Variants in CFAP61 observed in about 807,000 individuals in gnomAD.
CFAP61 encodes the protein cilia- and flagella-associated protein 61.
Under a neutral mutation model 135.6 loss-of-function variants are expected in CFAP61, and 107 were observed. The observed-to-expected ratio is 0.79, with a 90% CI of 0.67 to 0.93. The LOEUF is 0.93. Ranked by LOEUF, CFAP61 falls within the 40% of genes least tolerant of loss-of-function variation. The pLI is 0.00. For missense variants in CFAP61, 1,507 were observed against 1,556.2 expected (o/e 0.97, Z 0.53); for synonymous variants, 575 against 578.5 (o/e 0.99, Z 0.09).
chr20:20,172,125 A>C (rs943007603), intron 13 of CFAP61: 51 of 817,698 alleles, frequency 6.2e-5, no homozygotes, highest in Admixed American at 1.1e-4. Flanking sequence ...ATTAAAAAGA[A>C]GAGGAAAAAG....
In CFAP61 at chr20:20,230,765, G is replaced by A. The variant is rs140339976; in HGVS notation, c.2060+2389G>A. Among the ~76,000 whole-genome samples, 525 of 152,136 alleles carry A rather than the reference G, an allele frequency of 3.5e-3. 4 individuals are homozygous for A. The highest frequency in any genetic ancestry group is 0.012 in the African/African-American group (500 of 41,516). ...GAGATTGGGTTTCACCATGTTGGCC[G>A]GGCTGGTCTCGAACTCCTGGCCTCA... On this transcript the variant is annotated intron_variant, in intron 18 of 26. Coordinates refer to ENST00000245957, the MANE Select transcript of CFAP61 (RefSeq NM_015585.4).
chr20:20,091,603 A>G (rs117933910), intron 7 of CFAP61, among the ~76,000 whole-genome samples: 2,136 of 152,184 alleles, frequency 0.014, 21 homozygotes, highest in Non-Finnish European at 0.022. Flanking sequence ...TATATTTCCT[A>G]AAAACAAGGA....
At chr20:20,354,230 G>A (rs903071581) in intron 26 of CFAP61, among the ~76,000 whole-genome samples, 21 of 152,112 alleles carry the variant, frequency 1.4e-4, no homozygotes, top group Non-Finnish European at 2.8e-4. Context: ...GGGTACAGCC[G>A]GGCATGGTGG....
Position 20,166,384 on chromosome 20 carries a change from G to T in CFAP61, c.1206-13G>T, listed in dbSNP as rs780632953. ...TTGCAGGGCACTGACAGTGCTTACT[G>T]TCTTGTTTACAGGTCGCTGGATTTT... On this transcript the variant is annotated splice_polypyrimidine_tract_variant and intron_variant, in intron 11 of 26. Coordinates refer to ENST00000245957, the MANE Select transcript of CFAP61 (RefSeq NM_015585.4). 1 of 1,612,966 alleles carries T rather than the reference G, an allele frequency of 6.2e-7. No homozygotes were observed. Among genetic ancestry groups the T allele is most frequent in the Non-Finnish European group, 8.5e-7 (1 of 1,179,108 alleles).
chr20:20,356,463 G>A (rs2122484171), intron 26 of CFAP61, among the ~76,000 whole-genome samples: 1 of 149,750 alleles, frequency 6.7e-6, no homozygotes, highest in Non-Finnish European at 1.5e-5. Flanking sequence ...GAGGGGAGGT[G>A]GTCACACTGA....
In CFAP61 at chr20:20,083,108, ATGAGTGGTTAAAGGAAATG is replaced by A. The variant is rs545160495; in HGVS notation, c.566+7497_566+7515del. ...AACCAACCTAAGTGCCCATCGACCA[ATGAGTGGTTAAAGGAAATG>A]TGATATTCATACACCGTGGAATACT... On this transcript the variant is annotated intron_variant, in intron 6 of 26. Coordinates refer to ENST00000245957, the MANE Select transcript of CFAP61 (RefSeq NM_015585.4). Among the ~76,000 whole-genome samples the A allele has an allele frequency of 7.9e-5, 12 of 152,340 alleles. No homozygotes were observed. In the East Asian group the frequency reaches 2.3e-3, roughly 29 times the overall value.
intron 25 of CFAP61, among the ~76,000 whole-genome samples, chr20:20,316,354 A>G (rs557154676): frequency 1.3e-5 from 2 of 151,788 alleles, no homozygotes; most frequent in Middle Eastern, 3.4e-3. Flanking sequence ...TGTTGTTGGT[A>G]TATAAGAATG....
chr20:20,272,368 G>A (rs984049203), intron 21 of CFAP61, among the ~76,000 whole-genome samples: 1 of 152,206 alleles, frequency 6.6e-6, no homozygotes, highest in Non-Finnish European at 1.5e-5. Flanking sequence ...AGAAGTTGCA[G>A]TGAGCCGAGA....
rs140171810 is a variant in CFAP61 at position 20,090,911 on chromosome 20, G to A, written c.634G>A (p.Gly212Ser). 9 of 1,613,966 alleles carry A rather than the reference G, an allele frequency of 5.6e-6. No individual in the cohort carries two copies. The highest frequency in any genetic ancestry group is 4.0e-5 in the African/African-American group (3 of 74,886). Residue 212 changes from glycine to serine, a missense_variant, in exon 7 of 27, where the codon GGT becomes AGT. Gly to Ser is a moderately conservative substitution (Grantham distance 56). Transcript: ENST00000245957. Reference sequence around the variant, plus strand: ...TGACACAATTCTGAAGGAAACTTACGGTGAATACTTCCTGGCCGAACTAAT... The same window carrying A: ...TGACACAATTCTGAAGGAAACTTACAGTGAATACTTCCTGGCCGAACTAAT... ...RYDTILKETY[G>S]EYFLAELIEA...
intron 9 of CFAP61, among the ~76,000 whole-genome samples, chr20:20,148,425 C>A (rs1023179228): frequency 8.5e-5 from 13 of 152,154 alleles, no homozygotes; most frequent in African/African-American, 3.1e-4. Context: ...TCAGTGATTT[C>A]TTTCAGCAGT....
At chr20:20,139,927 T>C (rs946226776) in intron 8 of CFAP61, among the ~76,000 whole-genome samples, 4 of 152,246 alleles carry the variant, frequency 2.6e-5, no homozygotes, top group African/African-American at 9.6e-5. Flanking sequence ...TTGCATTTTT[T>C]GTAGTTCTTC....
At chr20:20,281,156 A>G (rs2054172916) in intron 22 of CFAP61, among the ~76,000 whole-genome samples, 1 of 152,146 alleles carries the variant, frequency 6.6e-6, no homozygotes, top group Non-Finnish European at 1.5e-5. Context: ...TAGCTTTTGT[A>G]GTTGTTTTTT....
intron 17 of CFAP61, among the ~76,000 whole-genome samples, chr20:20,217,793 A>G (rs1170031690): frequency 1.3e-5 from 2 of 151,536 alleles, no homozygotes; most frequent in Non-Finnish European, 2.9e-5. Flanking sequence ...TTTTGTCCCA[A>G]CTCCTTCTCC....
chr20:20,146,319 G>A (rs2051883571), intron 9 of CFAP61, among the ~76,000 whole-genome samples: 1 of 152,162 alleles, frequency 6.6e-6, no homozygotes, highest in Admixed American at 6.5e-5. Flanking sequence ...GTGAGAATGG[G>A]ACCTCTCAAT....
chr20:20,292,862 C>A (rs1207555949), intron 24 of CFAP61, among the ~76,000 whole-genome samples: 1 of 152,120 alleles, frequency 6.6e-6, no homozygotes, highest in Non-Finnish European at 1.5e-5. Flanking sequence ...CACAGCATCA[C>A]TTCTCCCACT....
intron 16 of CFAP61, among the ~76,000 whole-genome samples, chr20:20,197,732 TTGG>T (rs1212656058): frequency 6.6e-6 from 1 of 152,124 alleles, no homozygotes; most frequent in Admixed American, 6.6e-5. Flanking sequence ...TTCCTGAAAA[TTGG>T]TCTCTCAGTC....
chr20:20,251,494 G>C lies in CFAP61; in HGVS notation c.2160-101G>C, dbSNP rs552581354. Reference sequence around the variant, plus strand: ...CCTGGTAAACTCACAGCAAGAGCACGGACTCAGCCCACTAGGGGACTTGAA... The same window carrying C: ...CCTGGTAAACTCACAGCAAGAGCACCGACTCAGCCCACTAGGGGACTTGAA... On this transcript the variant is annotated intron_variant, in intron 19 of 26. Transcript: ENST00000245957. The C allele has an allele frequency of 5.6e-6, 6 of 1,072,498 alleles. No individual in the cohort carries two copies. In the African/African-American group the frequency reaches 7.8e-5, roughly 14 times the overall value. 66.4% of individuals were successfully genotyped at this position (1,072,498 alleles called of 1,614,324 possible). A position where few individuals can be genotyped will look rare whatever the true frequency, so the allele number is the denominator to read the frequency against.
At chr20:20,246,017 CAGTTGGATGACACGTGATATAA>C in intron 18 of CFAP61, 78 bp from the exon 19 acceptor site, 1 of 719,450 alleles carries the variant, frequency 1.4e-6, no homozygotes, top group Non-Finnish European at 2.4e-6. Context: ...AGCAATTCAA[CAGTTGGATGACACGTGATATAA>C]AGTTAAATTG....
intron 25 of CFAP61, among the ~76,000 whole-genome samples, chr20:20,303,556 C>T (rs1432521035): frequency 6.6e-6 from 1 of 152,112 alleles, no homozygotes; most frequent in African/African-American, 2.4e-5. Flanking sequence ...TCAAGTGCCA[C>T]GAAATGCTGC....
Sources: allele counts gnomAD v4.1 joint callset (sites outside exome capture counted in the v4.1 genomes callset), GRCh38; gene constraint gnomAD v4.1.1; transcripts MANE v1.5; gene names NCBI Gene and HGNC (gene_info 2026-07-23, HGNC 2026-07-21).